TRIM44: variants seen among roughly 807,000 people sequenced by gnomAD.
TRIM44 encodes the protein tripartite motif containing 44.
TRIM44 carries 13 observed loss-of-function variants against 37.4 expected under a neutral mutation model. The ratio of observed to expected loss-of-function variants is 0.35; its 90% CI spans 0.23 to 0.55. The LOEUF (loss-of-function observed/expected upper bound fraction) is 0.55, where lower values mean the gene tolerates loss of function less well. Ranked by LOEUF, TRIM44 falls within the 20% of genes least tolerant of loss-of-function variation. TRIM44 has a pLI of 0.89. For synonymous variants in TRIM44, 175 were observed against 157.2 expected (o/e 1.11, Z -0.85); for missense variants, 426 against 437.2 (o/e 0.97, Z 0.23).
intron 2 of TRIM44, among the ~76,000 whole-genome samples, chr11:35,722,186 A>G (rs1259043542): frequency 6.6e-6 from 1 of 152,186 alleles, no homozygotes; most frequent in African/African-American, 2.4e-5. Context: ...CAAATGAGGA[A>G]GAGGGAAGTG....
intron 1 of TRIM44, among the ~76,000 whole-genome samples, chr11:35,671,988 A>G (rs1272203459): frequency 2.0e-5 from 3 of 152,312 alleles, no homozygotes; most frequent in South Asian, 2.1e-4. Context: ...CATAATTTCT[A>G]TCTACGAAAA....
At chr11:35,724,322 G>A (rs752965689) in intron 2 of TRIM44, 25 of 152,196 alleles carry the variant, frequency 1.6e-4, no homozygotes, top group Non-Finnish European at 2.8e-4. Context: ...AGTGAACAGA[G>A]CACCAGACTG....
At chr11:35,680,813 G>A (rs1223082654) in intron 1 of TRIM44, among the ~76,000 whole-genome samples, 1 of 152,096 alleles carries the variant, frequency 6.6e-6, no homozygotes, top group East Asian at 1.9e-4. Context: ...TTTATTTCAG[G>A]CTGATGGGTA....
rs1303616691 is a variant in TRIM44, at chr11:35,662,813, A to C, written c.-299A>C. Reference sequence around the variant, plus strand: ...ATCTCTCCCTGGTAGCGGGAGGCTGAGCGGGCGGCGCGACGCGGGGGCCGA... The same window carrying C: ...ATCTCTCCCTGGTAGCGGGAGGCTGCGCGGGCGGCGCGACGCGGGGGCCGA... On this transcript the variant is annotated 5_prime_UTR_variant, in exon 1 of 5. Coordinates refer to ENST00000299413, the MANE Select transcript of TRIM44 (RefSeq NM_017583.6). The C allele has an allele frequency of 1.5e-5, 4 of 261,626 alleles. No homozygotes were observed. The highest frequency in any genetic ancestry group is 9.0e-5 in the African/African-American group (4 of 44,508). 16.2% of individuals were successfully genotyped at this position (261,626 alleles called of 1,614,324 possible).
chr11:35,756,431 T>A (rs1852641659), intron 4 of TRIM44, among the ~76,000 whole-genome samples: 1 of 152,226 alleles, frequency 6.6e-6, no homozygotes, highest in African/African-American at 2.4e-5. Context: ...TTTCTAGATA[T>A]ATAATCATGT....
At chr11:35,731,080 T>G (rs1178767603) in intron 3 of TRIM44, among the ~76,000 whole-genome samples, 1 of 152,224 alleles carries the variant, frequency 6.6e-6, no homozygotes, top group African/African-American at 2.4e-5. Context: ...TTTATGCTTT[T>G]TATTTCTTTG....
At chr11:35,749,143 C>T (rs1372850177) in intron 4 of TRIM44, among the ~76,000 whole-genome samples, 3 of 152,120 alleles carry the variant, frequency 2.0e-5, no homozygotes, top group African/African-American at 4.8e-5. Flanking sequence ...TTTAGAGCAC[C>T]TGCTTCATTC....
intron 4 of TRIM44, among the ~76,000 whole-genome samples, chr11:35,755,069 G>A (rs1852616004): frequency 6.6e-6 from 1 of 152,158 alleles, no homozygotes; most frequent in Non-Finnish European, 1.5e-5. Context: ...AGATCCCTGA[G>A]GAATCACCAC....
intron 4 of TRIM44, among the ~76,000 whole-genome samples, chr11:35,757,433 A>T (rs926079183): frequency 2.6e-5 from 4 of 151,038 alleles, no homozygotes; most frequent in African/African-American, 9.8e-5. Flanking sequence ...AATTTTGTTG[A>T]TTTTTTCAAA....
At position 35,806,271 on chromosome 11, in the gene TRIM44, C is replaced by G; in HGVS notation, c.1008-87C>G. ...AAGACTTAATTCCAGGTATGTCTGA[C>G]ATAAAGTCTGTGCTATCAACCAGTA... On this transcript the variant is annotated intron_variant, in intron 4 of 4. Transcript: ENST00000299413. 2.8e-6 allele frequency: 4 copies of G among 1,433,250 alleles called. No individual in the cohort carries two copies. In the South Asian group the frequency reaches 4.6e-5, roughly 17 times the overall value. 88.8% of individuals were successfully genotyped at this position (1,433,250 alleles called of 1,614,324 possible).
chr11:35,702,922 G>A (rs927246471), intron 2 of TRIM44, among the ~76,000 whole-genome samples: 15 of 152,204 alleles, frequency 9.9e-5, no homozygotes, highest in Non-Finnish European at 1.9e-4. Context: ...AGTGGGTGCA[G>A]CGCACCATGC....
chr11:35,814,058 A>T lies in TRIM44; in HGVS notation c.*7673A>T, dbSNP rs956948987. 2 of 152,234 alleles carry T rather than the reference A, an allele frequency of 1.3e-5. No individual in the cohort carries two copies. Among genetic ancestry groups the T allele is most frequent in the African/African-American group, 4.8e-5 (2 of 41,474 alleles). 9.4% of individuals were successfully genotyped at this position (152,234 alleles called of 1,614,324 possible). ...AACAAATACTGCTACCATAAAAGTC[A>T]CTTAAGCATCCCTGTTAGTTCTAAG... On this transcript the variant is annotated 3_prime_UTR_variant, in exon 5 of 5. Coordinates refer to ENST00000299413, the MANE Select transcript of TRIM44 (RefSeq NM_017583.6).
intron 4 of TRIM44, among the ~76,000 whole-genome samples, chr11:35,764,042 C>T (rs1045649123): frequency 1.3e-5 from 2 of 152,130 alleles, no homozygotes; most frequent in Admixed American, 1.3e-4. Context: ...CCCACATATC[C>T]ACAGAATCAG....
chr11:35,680,489 G>A (rs932271258), intron 1 of TRIM44, among the ~76,000 whole-genome samples: 1 of 151,672 alleles, frequency 6.6e-6, no homozygotes, highest in African/African-American at 2.4e-5. Flanking sequence ...TTGTATCCAG[G>A]TACATACAAC....
intron 2 of TRIM44, among the ~76,000 whole-genome samples, chr11:35,704,507 G>A (rs1305023631): frequency 1.3e-5 from 2 of 152,192 alleles, no homozygotes; most frequent in Non-Finnish European, 2.9e-5. Flanking sequence ...AGGGCAGCCA[G>A]AGAGAAAGGT....
rs184398728 is a variant in TRIM44 at position 35,720,344 on chromosome 11, A to G, written c.748-5580A>G. On this transcript the variant is annotated intron_variant, in intron 2 of 4. Transcript: ENST00000299413. ...TCGCGCTTGTTCACTGCTGGTATAT[A>G]GGAAGGTGATTGACTTCTGTATATC... is the stretch of plus-strand genomic sequence containing the variant. Among the ~76,000 whole-genome samples the G allele has an allele frequency of 5.9e-5, 9 of 151,914 alleles. No individual in the cohort carries two copies. The East Asian group carries it at 1.7e-3, about 29-fold the overall frequency.
At chr11:35,776,067 T>G (rs976336669) in intron 4 of TRIM44, among the ~76,000 whole-genome samples, 3 of 152,226 alleles carry the variant, frequency 2.0e-5, no homozygotes. Flanking sequence ...TTTGTACCTC[T>G]GGTAGATTTT....
At chr11:35,686,393 G>A (rs1355293655) in intron 2 of TRIM44, among the ~76,000 whole-genome samples, 10 of 149,112 alleles carry the variant, frequency 6.7e-5, no homozygotes, top group Non-Finnish European at 1.5e-4. Flanking sequence ...TTTTTTAAGA[G>A]GAATGGGACT....
At chr11:35,713,284 T>C (rs1462989181) in intron 2 of TRIM44, among the ~76,000 whole-genome samples, 1 of 152,214 alleles carries the variant, frequency 6.6e-6, no homozygotes, top group Non-Finnish European at 1.5e-5. Flanking sequence ...ACTCAGCCCA[T>C]TTATTTAGAC....
Sources: gnomAD v4.1 joint callset for allele counts (sites outside exome capture counted in the v4.1 genomes callset) on GRCh38, gnomAD v4.1.1 for gene constraint, MANE v1.5 for transcripts, NCBI Gene and HGNC (gene_info 2026-07-23, HGNC 2026-07-21) for gene names.